DNAJC1: variants seen among roughly 807,000 people sequenced by gnomAD.
The protein encoded by DNAJC1 is DnaJ heat shock protein family (Hsp40) member C1.
DNAJC1 carries 58 observed loss-of-function variants against 76.6 expected under a neutral mutation model. The observed-to-expected ratio is 0.76, with a 90% confidence interval of 0.61 to 0.94. DNAJC1 has a LOEUF of 0.94. DNAJC1 is among the 40% of genes least tolerant of loss of function. The pLI, the probability that DNAJC1 is intolerant of heterozygous loss-of-function variation, is 0.00. For missense variants in DNAJC1, 689 were observed against 677.3 expected (o/e 1.02, Z -0.19); for synonymous variants, 258 against 267.9 (o/e 0.96, Z 0.36).
chr10:21,899,157 G>A (rs971212987), intron 7 of DNAJC1, among the ~76,000 whole-genome samples: 2 of 152,296 alleles, frequency 1.3e-5, no homozygotes, highest in South Asian at 4.1e-4. Flanking sequence ...CCCCTCAAGA[G>A]CCTATGCCAC....
intron 8 of DNAJC1, among the ~76,000 whole-genome samples, chr10:21,860,404 G>C (rs886592122): frequency 6.6e-6 from 1 of 151,912 alleles, no homozygotes; most frequent in Non-Finnish European, 1.5e-5. Flanking sequence ...GTTAAAACTA[G>C]AATTCAGGAT....
intron 1 of DNAJC1, among the ~76,000 whole-genome samples, chr10:21,990,176 T>C (rs897606968): frequency 3.3e-5 from 5 of 152,192 alleles, no homozygotes; most frequent in African/African-American, 1.2e-4. Context: ...CAAGAAATCA[T>C]CTTATTTTTC....
chr10:21,813,181 TC>T (rs1564794755), intron 8 of DNAJC1, among the ~76,000 whole-genome samples: 5 of 14,376 alleles, frequency 3.5e-4, no homozygotes, highest in African/African-American at 2.3e-3. Context: ...TCTCCCTCTC[TC>T]TCTCTCTCTC....
intron 8 of DNAJC1, among the ~76,000 whole-genome samples, chr10:21,881,683 C>A (rs1158187583): frequency 6.6e-6 from 1 of 151,812 alleles, no homozygotes. Flanking sequence ...TCAGAGGTCA[C>A]TGATCACAGA....
chr10:21,781,718 CAAA>C (rs1298897674), intron 9 of DNAJC1, among the ~76,000 whole-genome samples: 6 of 87,332 alleles, frequency 6.9e-5, no homozygotes, highest in African/African-American at 2.3e-4. Flanking sequence ...GCGACTGTCT[CAAA>C]AAAAAAAAAA....
intron 8 of DNAJC1, among the ~76,000 whole-genome samples, chr10:21,813,204 CTCTCT>C (rs1835009372): frequency 1.3e-5 from 1 of 77,190 alleles, no homozygotes; most frequent in Admixed American, 1.3e-4. Context: ...CTCTCTCTCT[CTCTCT>C]CTCTCTCTCT....
At chr10:21,816,902 C>T (rs1318776642) in intron 8 of DNAJC1, among the ~76,000 whole-genome samples, 2 of 145,242 alleles carry the variant, frequency 1.4e-5, no homozygotes, top group Non-Finnish European at 3.0e-5. Flanking sequence ...CGCCTGTAAC[C>T]CCAGCACTTT....
At chr10:21,787,596 C>A (rs931218769) in intron 9 of DNAJC1, among the ~76,000 whole-genome samples, 1 of 152,158 alleles carries the variant, frequency 6.6e-6, no homozygotes, top group African/African-American at 2.4e-5. Context: ...GTAACAGCAA[C>A]CCTGGTGAGT....
At chr10:21,864,358 A>C (rs987007206) in intron 8 of DNAJC1, among the ~76,000 whole-genome samples, 3 of 152,072 alleles carry the variant, frequency 2.0e-5, no homozygotes, top group African/African-American at 7.3e-5. Context: ...GCAGTGGCTC[A>C]TGCCTGTAAT....
rs772658104 is a variant in DNAJC1 at position 21,834,876 on chromosome 10, C to T, written c.979-28777G>A. Among the ~76,000 whole-genome samples the T allele has an allele frequency of 2.6e-5, 4 of 152,238 alleles. No homozygotes were observed. In the East Asian group the frequency reaches 7.7e-4, roughly 29 times the overall value. On this transcript the variant is annotated intron_variant, in intron 8 of 11. Transcript: ENST00000376980. ...ACCACAGCTCAAGGACGCCTGCCTACCTCTGTAGGCTCCACCTCTGGGGAC... is the reference window on the plus strand; with the variant it reads ...ACCACAGCTCAAGGACGCCTGCCTATCTCTGTAGGCTCCACCTCTGGGGAC...
Position 21,929,158 on chromosome 10 carries a change from G to T in DNAJC1, c.223-17C>A. ...TGATGCATCCTGGAGGTGGTAGGGG[G>T]AGGGGAAAATACAAAGCAAACTTTG... On this transcript the variant is annotated splice_polypyrimidine_tract_variant and intron_variant, in intron 1 of 11. Transcript: ENST00000376980. The T allele has an allele frequency of 1.3e-6, 2 of 1,565,510 alleles. No individual in the cohort carries two copies. Among genetic ancestry groups the T allele is most frequent in the African/African-American group, 1.4e-5 (1 of 73,536 alleles).
At chr10:21,758,667 C>T (rs1657735724) in intron 11 of DNAJC1, among the ~76,000 whole-genome samples, 1 of 152,268 alleles carries the variant, frequency 6.6e-6, no homozygotes, top group African/African-American at 2.4e-5. Context: ...CAAAGTTATT[C>T]ACATGGCAGA....
intron 1 of DNAJC1, among the ~76,000 whole-genome samples, chr10:21,974,620 T>C (rs1054275733): frequency 7.9e-5 from 12 of 152,186 alleles, no homozygotes; most frequent in African/African-American, 2.9e-4. Flanking sequence ...TTGTACTGCA[T>C]TCTATTCTGA....
At chr10:21,884,293 G>A (rs1282398259) in intron 7 of DNAJC1, among the ~76,000 whole-genome samples, 6 of 152,164 alleles carry the variant, frequency 3.9e-5, no homozygotes, top group South Asian at 2.1e-4. Context: ...GAGTGCCCAC[G>A]TGGCTAACAA....
intron 8 of DNAJC1, among the ~76,000 whole-genome samples, chr10:21,847,742 T>G (rs1400445683): frequency 6.6e-6 from 1 of 152,162 alleles, no homozygotes; most frequent in African/African-American, 2.4e-5. Flanking sequence ...TCTAGTTCCA[T>G]CTATGTTGCT....
At chr10:21,758,302 C>G (rs1482197500) in intron 11 of DNAJC1, among the ~76,000 whole-genome samples, 1 of 152,220 alleles carries the variant, frequency 6.6e-6, no homozygotes, top group Non-Finnish European at 1.5e-5. Context: ...TTGATTCTCA[C>G]TGTTCCTGGT....
At chr10:21,861,353 CAAG>C (rs949384824) in intron 8 of DNAJC1, among the ~76,000 whole-genome samples, 2 of 151,992 alleles carry the variant, frequency 1.3e-5, no homozygotes, top group South Asian at 2.1e-4. Context: ...AAATTTGAAA[CAAG>C]AAGGATAAAC....
intron 1 of DNAJC1, among the ~76,000 whole-genome samples, chr10:21,990,737 G>T (rs910116729): frequency 6.6e-6 from 1 of 152,120 alleles, no homozygotes; most frequent in Non-Finnish European, 1.5e-5. Context: ...TAAAATTTTT[G>T]TTTTGTTGTT....
chr10:21,768,035 A>T (rs1385467273), intron 9 of DNAJC1, among the ~76,000 whole-genome samples: 2 of 152,116 alleles, frequency 1.3e-5, no homozygotes, highest in African/African-American at 4.8e-5. Context: ...TACTCCAGAA[A>T]GTTCCCTTGT....
Sources: gnomAD v4.1 joint callset for allele counts (sites outside exome capture counted in the v4.1 genomes callset) on GRCh38, gnomAD v4.1.1 for gene constraint, MANE v1.5 for transcripts, NCBI Gene and HGNC (gene_info 2026-07-23, HGNC 2026-07-21) for gene names.